Variants in PLEKHG1 observed in about 807,000 individuals in gnomAD.
PLEKHG1 encodes pleckstrin homology and RhoGEF domain containing G1.
In PLEKHG1, 44 loss-of-function variants were observed where a neutral mutation model predicts 100.8. That is an observed-to-expected ratio of 0.44 (90% confidence interval 0.34 to 0.56). The LOEUF is 0.56. PLEKHG1 is among the 20% of genes least tolerant of loss of function. The probability of loss-of-function intolerance (pLI) is 0.01; values close to 1 mark genes in which losing one functional copy is unlikely to be tolerated. For missense variants in PLEKHG1, 1,545 were observed against 1,720.9 expected (o/e 0.90, Z 1.81); for synonymous variants, 640 against 662.5 (o/e 0.97, Z 0.52).
In PLEKHG1 at chr6:150,600,783, C is replaced by A. The variant is rs1021246873; in HGVS notation, c.-204+766C>A. The A allele has an allele frequency of 6.6e-6, 1 of 152,278 alleles. No homozygotes were observed. Among genetic ancestry groups the A allele is most frequent in the Non-Finnish European group, 1.5e-5 (1 of 68,066 alleles). 9.4% of individuals were successfully genotyped at this position (152,278 alleles called of 1,614,324 possible). ...CGTTCCGAAGCCGGAAGCTTGGGAA[C>A]GCTCTAACTGGGAGAACGGCGCTCG... On this transcript the variant is annotated intron_variant, in intron 1 of 3. Coordinates refer to the PLEKHG1 transcript ENST00000367326. The surrounding 1 kb of genome is among the most constrained non-coding windows in gnomAD (Gnocchi z 6.2).
chr6:150,611,148 C>T (rs1158482055), intron 1 of PLEKHG1, among the ~76,000 whole-genome samples: 3 of 152,128 alleles, frequency 2.0e-5, no homozygotes, highest in Non-Finnish European at 1.5e-5. Flanking sequence ...CAGTTGTTTG[C>T]CTTGAATTTT....
intron 2 of PLEKHG1, among the ~76,000 whole-genome samples, chr6:150,642,958 CT>C (rs149256102): frequency 0.065 from 9,878 of 152,180 alleles, 776 homozygotes; most frequent in African/African-American, 0.18. Flanking sequence ...ACATTCCCTA[CT>C]TTTTGCATTT....
At chr6:150,690,083 C>A (rs1242623250) in intron 3 of PLEKHG1, among the ~76,000 whole-genome samples, 2 of 152,114 alleles carry the variant, frequency 1.3e-5, no homozygotes, top group Non-Finnish European at 2.9e-5. Context: ...ATGGCTAGTT[C>A]CTGCCTTTAG....
intron 2 of PLEKHG1, among the ~76,000 whole-genome samples, chr6:150,638,725 G>A (rs1457976564): frequency 2.6e-5 from 4 of 152,214 alleles, no homozygotes; most frequent in Non-Finnish European, 5.9e-5. Flanking sequence ...TAATTAAACT[G>A]AAACTTAATT....
intron 15 of PLEKHG1, among the ~76,000 whole-genome samples, chr6:150,833,924 T>C (rs1777092944): frequency 6.6e-6 from 1 of 152,200 alleles, no homozygotes; most frequent in South Asian, 2.1e-4. Flanking sequence ...GGGATTGACA[T>C]TGACATCCAT....
At chr6:150,630,940 AC>A (rs142583795) in intron 1 of PLEKHG1, among the ~76,000 whole-genome samples, 34 of 152,224 alleles carry the variant, frequency 2.2e-4, no homozygotes, top group African/African-American at 7.7e-4. Flanking sequence ...GAAAGTAAAG[AC>A]AAGGAGAGTC....
chr6:150,654,180 G>T (rs1321089816), intron 3 of PLEKHG1, among the ~76,000 whole-genome samples: 2 of 152,250 alleles, frequency 1.3e-5, no homozygotes, highest in Admixed American at 6.5e-5. Context: ...GCACATTCAT[G>T]TTCCAAGGCA....
At chr6:150,739,693 A>C (rs894733946) in intron 2 of PLEKHG1, among the ~76,000 whole-genome samples, 13 of 152,050 alleles carry the variant, frequency 8.5e-5, no homozygotes, top group African/African-American at 2.7e-4. Flanking sequence ...AACAAAAAAA[A>C]CCATAAGTAT....
chr6:150,710,491 G>A lies in PLEKHG1; in HGVS notation c.-98-23093G>A, dbSNP rs145473214. 4.1e-3 allele frequency among the ~76,000 whole-genome samples: 626 copies of A among 152,186 alleles called. 8 individuals are homozygous for A. The highest frequency in any genetic ancestry group is 0.031 in the Middle Eastern group (9 of 294). ...AGGCAGGAACAGAGTCATGGTTACC[G>A]CCCAAGCAGCTCTGCCCACTGTCTG... On this transcript the variant is annotated intron_variant, in intron 3 of 3. Coordinates refer to the PLEKHG1 transcript ENST00000367326.
chr6:150,705,270 A>G (rs1375551854), intron 3 of PLEKHG1, among the ~76,000 whole-genome samples: 2 of 152,244 alleles, frequency 1.3e-5, no homozygotes, highest in Non-Finnish European at 2.9e-5. Flanking sequence ...GCATATTTCA[A>G]AGATATGCCA....
At chr6:150,733,340 G>A (rs1006370577) in intron 1 of PLEKHG1, among the ~76,000 whole-genome samples, 6 of 152,090 alleles carry the variant, frequency 3.9e-5, no homozygotes, top group Admixed American at 6.5e-5. Flanking sequence ...TTATTAAAGT[G>A]CACACTCAAG....
At chr6:150,635,200 A>C (rs1777942369) in intron 1 of PLEKHG1, among the ~76,000 whole-genome samples, 1 of 152,216 alleles carries the variant, frequency 6.6e-6, no homozygotes, top group Non-Finnish European at 1.5e-5. Context: ...GCCTCCTGGC[A>C]AGCAAGTAAA....
intron 3 of PLEKHG1, among the ~76,000 whole-genome samples, chr6:150,656,109 A>G (rs181645537): frequency 6.6e-6 from 1 of 152,018 alleles, no homozygotes; most frequent in Non-Finnish European, 1.5e-5. Context: ...AAAATAAAAA[A>G]AAATCAACCA....
intron 3 of PLEKHG1, among the ~76,000 whole-genome samples, chr6:150,665,259 A>G (rs1779351291): frequency 6.6e-6 from 1 of 152,216 alleles, no homozygotes; most frequent in Admixed American, 6.5e-5. Context: ...CTTCCCCAAA[A>G]CACTACGTCA....
At chr6:150,651,503 G>A (rs1778732648) in intron 3 of PLEKHG1, among the ~76,000 whole-genome samples, 1 of 152,036 alleles carries the variant, frequency 6.6e-6, no homozygotes, top group Non-Finnish European at 1.5e-5. Flanking sequence ...TAAAGTACTG[G>A]GATTACAGGT....
intron 3 of PLEKHG1, among the ~76,000 whole-genome samples, chr6:150,715,490 C>CTTTT (rs35466419): frequency 7.5e-6 from 1 of 133,430 alleles, no homozygotes; most frequent in Non-Finnish European, 1.6e-5. Context: ...TTTTCTTTTT[C>CTTTT]TTTTTTTTTT....
At chr6:150,634,959 T>G (rs1055016250) in intron 1 of PLEKHG1, among the ~76,000 whole-genome samples, 1 of 152,248 alleles carries the variant, frequency 6.6e-6, no homozygotes, top group African/African-American at 2.4e-5. Flanking sequence ...TGTAGAAACT[T>G]AAAACAATCC....
At chr6:150,809,323 A>T in intron 8 of PLEKHG1, 36 bp downstream of exon 9, 1 of 1,611,470 alleles carries the variant, frequency 6.2e-7, no homozygotes, top group Non-Finnish European at 8.5e-7. Flanking sequence ...AGGGACTCAG[A>T]TCCCCAGTTC....
intron 2 of PLEKHG1, among the ~76,000 whole-genome samples, chr6:150,735,110 C>G (rs553800444): frequency 2.6e-5 from 4 of 151,564 alleles, no homozygotes; most frequent in Admixed American, 6.6e-5. Context: ...CCTCAGCATC[C>G]TGAGTAGCTG....
Sources: allele counts gnomAD v4.1 joint callset (sites outside exome capture counted in the v4.1 genomes callset), GRCh38; gene constraint gnomAD v4.1.1; non-coding constraint Gnocchi (gnomAD v3.1); transcripts MANE v1.5; gene names NCBI Gene and HGNC (gene_info 2026-07-23, HGNC 2026-07-21).